Variants in VRTN observed in about 807,000 individuals in gnomAD.
VRTN encodes vertnin.
A neutral mutation model predicts 18.2 loss-of-function variants in VRTN; 5 were observed. The observed-to-expected ratio is 0.27, with a 90% CI of 0.14 to 0.58. The LOEUF is 0.58. VRTN is among the 20% of genes least tolerant of loss of function. The pLI, the probability that VRTN is intolerant of heterozygous loss-of-function variation, is 0.91. For missense variants in VRTN, 741 were observed against 939.4 expected (o/e 0.79, Z 2.76); for synonymous variants, 381 against 393.7 (o/e 0.97, Z 0.38).
chr14:74,328,780 C>T (rs574914525), intron 1 of VRTN, among the ~76,000 whole-genome samples: 1 of 152,284 alleles, frequency 6.6e-6, no homozygotes, highest in African/African-American at 2.4e-5. Context: ...GGTGGATCAC[C>T]TGAGGTCAGG....
intron 1 of VRTN, among the ~76,000 whole-genome samples, chr14:74,317,919 A>T (rs767483790): frequency 2.0e-5 from 3 of 152,174 alleles, no homozygotes; most frequent in Non-Finnish European, 4.4e-5. Context: ...TGAAGCCAGG[A>T]GCTTTATACC....
At position 74,320,563 on chromosome 14, in the gene VRTN, C is replaced by CTTTTTTTTTT. The variant is rs35884901; in HGVS notation, c.-163-17128_-163-17119dup. 1.1e-4 allele frequency among the ~76,000 whole-genome samples: 5 copies of CTTTTTTTTTT among 45,028 alleles called. 1 individual carries two copies. Among genetic ancestry groups the CTTTTTTTTTT allele is most frequent in the Non-Finnish European group, 1.8e-4 (4 of 22,412 alleles). 29.5% of individuals were successfully genotyped at this position (45,028 alleles called of 152,430 possible). A position where few individuals can be genotyped will look rare whatever the true frequency, so the allele number is the denominator to read the frequency against. ...AGACTTGAGCCACTGCGCCCGGCCT[C>CTTTTTTTTTT]TTTTTTTTTTTTTTTTTTTTTTTTT... is the stretch of plus-strand genomic sequence containing the variant. On this transcript the variant is annotated intron_variant, in intron 1 of 2. Coordinates refer to the VRTN transcript ENST00000557177.
chr14:74,325,267 G>A (rs989967122), intron 1 of VRTN, among the ~76,000 whole-genome samples: 2 of 152,052 alleles, frequency 1.3e-5, no homozygotes, highest in African/African-American at 2.4e-5. Context: ...AGAAACTAAC[G>A]CAGATTTGGG....
chr14:74,324,163 C>T (rs764717294), intron 1 of VRTN, among the ~76,000 whole-genome samples: 15 of 151,056 alleles, frequency 9.9e-5, no homozygotes, highest in Non-Finnish European at 1.9e-4. Context: ...CCGAGGCAGG[C>T]GGATCATGAG....
chr14:74,357,299 C>T lies in VRTN; in HGVS notation c.516C>T (p.Asn172=), dbSNP rs2232033. The change falls in exon 2 of 2, where the codon AAC becomes AAT. Residue 172 remains asparagine, a synonymous_variant. Transcript: ENST00000256362. The surrounding 1 kb of genome is among the most constrained non-coding windows in gnomAD (Gnocchi z 7.8). ...KASCFPSSFS[N]VWHLYALASV... ...CCTGTTTCCCCAGCAGCTTCTCCAA[C>T]GTGTGGCACTTGTATGCTCTCGCCT... 2,553 of 1,612,690 alleles carry T rather than the reference C, an allele frequency of 1.6e-3. 22 individuals are homozygous for T. In the African/African-American group the frequency reaches 0.019, roughly 12 times the overall value.
Position 74,358,497 on chromosome 14 carries a change from G to T in VRTN, c.1714G>T (p.Ala572Ser). 6.2e-7 allele frequency: 1 copy of T among 1,614,130 alleles called. No individual in the cohort carries two copies. Residue 572 changes from alanine (A) to serine (S), a missense_variant, in exon 2 of 2, where the codon GCT becomes TCT. Around this residue, in one of 3 missense-constraint regions of VRTN, gnomAD observed 494 missense variants for 546.5 expected, o/e 0.90. Transcript: ENST00000256362. The surrounding 1 kb of genome is among the most constrained non-coding windows in gnomAD (Gnocchi z 5.4). ...CACCTTGGGCAAAGGGGGGCAGGAG[G>T]CTGAGGAGAAGCAGGAGAAGGAGGC... Reference protein sequence around the residue: ...VPTLGKGGQEAEEKQEKEAGR... With the variant: ...VPTLGKGGQESEEKQEKEAGR...
chr14:74,303,787 T>A (rs76146141), intron 1 of VRTN, among the ~76,000 whole-genome samples: 2,619 of 151,802 alleles, frequency 0.017, 81 homozygotes, highest in Admixed American at 0.086. Flanking sequence ...CATGTATCAC[T>A]TGTCTTTATG....
chr14:74,310,863 A>T (rs2085384017), intron 1 of VRTN, among the ~76,000 whole-genome samples: 3 of 151,416 alleles, frequency 2.0e-5, no homozygotes, highest in African/African-American at 7.3e-5. Context: ...TCTTTAAAAA[A>T]AATTTGGGGG....
intron 1 of VRTN, among the ~76,000 whole-genome samples, chr14:74,316,698 G>A (rs1382914913): frequency 9.1e-5 from 13 of 142,440 alleles, no homozygotes; most frequent in Admixed American, 5.1e-4. Flanking sequence ...GTGCAGTGTC[G>A]TGATCTCGGC....
At chr14:74,338,367 A>T (rs1352271400) in intron 2 of VRTN, among the ~76,000 whole-genome samples, 1 of 152,176 alleles carries the variant, frequency 6.6e-6, no homozygotes, top group African/African-American at 2.4e-5. Flanking sequence ...CCCAGGAATG[A>T]GGGGCTCAAG....
intron 1 of VRTN, among the ~76,000 whole-genome samples, chr14:74,311,234 G>A (rs2085386759): frequency 6.6e-6 from 1 of 151,992 alleles, no homozygotes; most frequent in South Asian, 2.1e-4. Flanking sequence ...AAAGATGATA[G>A]GGCATATAAT....
Position 74,356,942 on chromosome 14 carries a change from C to A in VRTN, c.159C>A (p.Leu53=), listed in dbSNP as rs763317024. 6.2e-7 allele frequency: 1 copy of A among 1,614,010 alleles called. No individual in the cohort carries two copies. The highest frequency in any genetic ancestry group is 8.5e-7 in the Non-Finnish European group (1 of 1,179,968). Residue 53 remains leucine (L), a synonymous_variant, in exon 2 of 2, where the codon CTC becomes CTA. Coordinates refer to ENST00000256362, the MANE Select transcript of VRTN (RefSeq NM_018228.3). ...LPTCREGGPG[L]QVLEVDSVAL... ...CCTGCCGGGAGGGAGGCCCTGGCCT[C>A]CAGGTGCTGGAAGTGGACTCGGTGG...
intron 1 of VRTN, among the ~76,000 whole-genome samples, chr14:74,308,761 T>C (rs1482948247): frequency 6.6e-6 from 1 of 152,122 alleles, no homozygotes; most frequent in Non-Finnish European, 1.5e-5. Flanking sequence ...AGTGATCTGC[T>C]GGCCTTGGCC....
upstream of VRTN, among the ~76,000 whole-genome samples, chr14:74,347,551 A>G (rs1022691003): frequency 6.6e-6 from 1 of 152,216 alleles, no homozygotes. Context: ...GACAGCACGG[A>G]GGAGCTGTGG....
At chr14:74,325,699 G>C (rs1431950386) in intron 1 of VRTN, among the ~76,000 whole-genome samples, 1 of 152,136 alleles carries the variant, frequency 6.6e-6, no homozygotes, top group Non-Finnish European at 1.5e-5. Context: ...GATCCCAGGA[G>C]TTGGAAGCTG....
intron 1 of VRTN, among the ~76,000 whole-genome samples, chr14:74,330,550 T>C (rs1201549664): frequency 2.0e-5 from 3 of 151,604 alleles, no homozygotes; most frequent in Non-Finnish European, 2.9e-5. Context: ...CAAGTGATTC[T>C]CCTGCCTCAG....
chr14:74,351,668 T>C (rs2085685579), intron 1 of VRTN, among the ~76,000 whole-genome samples: 1 of 150,648 alleles, frequency 6.6e-6, no homozygotes, highest in African/African-American at 2.4e-5. Context: ...TCCGTAGAGA[T>C]GGGGTTATGT....
chr14:74,337,272 G>A (rs1418461653), intron 1 of VRTN, among the ~76,000 whole-genome samples: 1 of 152,162 alleles, frequency 6.6e-6, no homozygotes, highest in East Asian at 1.9e-4. Context: ...GAACCTGGGA[G>A]GCGGAGGTTG....
intron 2 of VRTN, among the ~76,000 whole-genome samples, chr14:74,339,539 T>G (rs1352214258): frequency 6.6e-6 from 1 of 152,050 alleles, no homozygotes; most frequent in Non-Finnish European, 1.5e-5. Flanking sequence ...AGGGTGGGCA[T>G]GGTGGCTCAT....
Sources: allele counts gnomAD v4.1 joint callset (sites outside exome capture counted in the v4.1 genomes callset), GRCh38; gene constraint gnomAD v4.1.1; regional missense constraint gnomAD v4.1.1; non-coding constraint Gnocchi (gnomAD v3.1); transcripts MANE v1.5; gene names NCBI Gene and HGNC (gene_info 2026-07-23, HGNC 2026-07-21).